The following FOXN3 variants were observed in gnomAD, a reference collection of about 807,000 sequenced individuals.
FOXN3 encodes forkhead box N3, also known as forkhead box protein N3.
FOXN3 carries 7 observed loss-of-function variants against 38.4 expected under a neutral mutation model. That is an observed-to-expected ratio of 0.18 (90% CI 0.10 to 0.34). The LOEUF (loss-of-function observed/expected upper bound fraction) is 0.34. Ranked by LOEUF, FOXN3 falls within the 10% of genes least tolerant of loss-of-function variation. The pLI, the probability that FOXN3 is intolerant of heterozygous loss-of-function variation, is 1.00. For synonymous variants in FOXN3, 230 were observed against 242.2 expected (o/e 0.95, Z 0.47); for missense variants, 456 against 613.4 (o/e 0.74, Z 2.71).
intron 4 of FOXN3, among the ~76,000 whole-genome samples, chr14:89,207,760 T>C (rs1267252194): frequency 1.3e-5 from 2 of 152,224 alleles, no homozygotes; most frequent in African/African-American, 4.8e-5. Context: ...ATGTACCCTT[T>C]GTCAACAAAG....
chr14:89,203,055 C>T (rs1256940387), intron 4 of FOXN3, among the ~76,000 whole-genome samples: 5 of 120,818 alleles, frequency 4.1e-5, no homozygotes, highest in Non-Finnish European at 7.9e-5. Context: ...TCCAGTGGTG[C>T]TCTAAGAACC....
intron 3 of FOXN3, among the ~76,000 whole-genome samples, chr14:89,319,273 G>A (rs918682027): frequency 1.4e-4 from 22 of 152,088 alleles, no homozygotes; most frequent in African/African-American, 4.6e-4. Flanking sequence ...TCATGCTCAT[G>A]GCTATGATTT....
At chr14:89,528,502 T>C (rs1375555589) in intron 1 of FOXN3, among the ~76,000 whole-genome samples, 2 of 147,034 alleles carry the variant, frequency 1.4e-5, no homozygotes, top group African/African-American at 2.5e-5. Context: ...GTTCAAGCAA[T>C]TCTCCTGCCT....
chr14:89,478,009 T>C (rs866167973), intron 1 of FOXN3, among the ~76,000 whole-genome samples: 11 of 152,124 alleles, frequency 7.2e-5, no homozygotes, highest in African/African-American at 2.7e-4. Flanking sequence ...CACCCAAATC[T>C]CATGTTGAAA....
intron 1 of FOXN3, among the ~76,000 whole-genome samples, chr14:89,566,870 T>C (rs1895364409): frequency 6.7e-6 from 1 of 149,034 alleles, no homozygotes; most frequent in African/African-American, 2.5e-5. Flanking sequence ...CTCACCCCCC[T>C]CCTCTTCCTT....
chr14:89,579,387 C>T (rs1041458039), intron 1 of FOXN3, among the ~76,000 whole-genome samples: 11 of 151,974 alleles, frequency 7.2e-5, no homozygotes, highest in African/African-American at 2.7e-4. Context: ...AACTCCTGGC[C>T]TCAAGTGATC....
chr14:89,390,133 G>A (rs943739851), intron 2 of FOXN3, among the ~76,000 whole-genome samples: 6 of 151,302 alleles, frequency 4.0e-5, no homozygotes, highest in Non-Finnish European at 8.8e-5. Flanking sequence ...GGCTGAGGTG[G>A]GAGGATTGCT....
chr14:89,258,276 T>C (rs1885688086), intron 4 of FOXN3, among the ~76,000 whole-genome samples: 1 of 152,150 alleles, frequency 6.6e-6, no homozygotes, highest in Non-Finnish European at 1.5e-5. Context: ...TCATGTTCTA[T>C]ATTATTTCAA....
chr14:89,476,984 C>G (rs999223756), intron 1 of FOXN3, among the ~76,000 whole-genome samples: 3 of 149,292 alleles, frequency 2.0e-5, no homozygotes, highest in African/African-American at 7.4e-5. Flanking sequence ...GCTCTGGGAT[C>G]TGGATTTCAC....
chr14:89,186,155 T>C (rs549169105), intron 4 of FOXN3, among the ~76,000 whole-genome samples: 9 of 152,274 alleles, frequency 5.9e-5, no homozygotes, highest in South Asian at 2.1e-4. Flanking sequence ...AAGTCAGCCT[T>C]TCCACCTGCT....
chr14:89,252,119 A>C (rs1276995296), intron 4 of FOXN3, among the ~76,000 whole-genome samples: 6 of 152,224 alleles, frequency 3.9e-5, no homozygotes. Context: ...CCTACAAAGT[A>C]GTGATTCTTA....
intron 3 of FOXN3, among the ~76,000 whole-genome samples, chr14:89,296,936 C>T (rs954696397): frequency 2.6e-5 from 4 of 152,090 alleles, no homozygotes; most frequent in African/African-American, 7.2e-5. Context: ...CGCATCCAGC[C>T]GAAACTCAAC....
chr14:89,569,307 T>G (rs1272992649), intron 1 of FOXN3, among the ~76,000 whole-genome samples: 1 of 151,634 alleles, frequency 6.6e-6, no homozygotes, highest in Non-Finnish European at 1.5e-5. Flanking sequence ...CATCTAAGAG[T>G]CAGGGAAAGT....
At chr14:89,560,510 A>G (rs1895226966) in intron 1 of FOXN3, among the ~76,000 whole-genome samples, 1 of 152,162 alleles carries the variant, frequency 6.6e-6, no homozygotes, top group Non-Finnish European at 1.5e-5. Context: ...TGGACAGCAA[A>G]CACCTACCCC....
At chr14:89,510,803 G>A (rs549916892) in intron 1 of FOXN3, among the ~76,000 whole-genome samples, 8 of 152,218 alleles carry the variant, frequency 5.3e-5, no homozygotes, top group African/African-American at 1.4e-4. Flanking sequence ...TTAGCCAAGC[G>A]TGGTGGTGTG....
chr14:89,459,850 T>C (rs1190873747), intron 1 of FOXN3, among the ~76,000 whole-genome samples: 2 of 151,786 alleles, frequency 1.3e-5, no homozygotes, highest in African/African-American at 4.8e-5. Flanking sequence ...CTACAATGGG[T>C]GCCCAAGGCC....
At chr14:89,450,931 C>G (rs1892602634) in intron 1 of FOXN3, among the ~76,000 whole-genome samples, 1 of 152,152 alleles carries the variant, frequency 6.6e-6, no homozygotes, top group African/African-American at 2.4e-5. Flanking sequence ...CAAAGGCCCC[C>G]CAGGGTGAAT....
intron 1 of FOXN3, among the ~76,000 whole-genome samples, chr14:89,605,637 A>T (rs1896257233): frequency 6.6e-6 from 1 of 152,182 alleles, no homozygotes; most frequent in South Asian, 2.1e-4. Flanking sequence ...TGTACATGTC[A>T]TATATAAAAA....
At chr14:89,570,688 GTT>G (rs11383658) in intron 1 of FOXN3, among the ~76,000 whole-genome samples, 1 of 145,206 alleles carries the variant, frequency 6.9e-6, no homozygotes, top group Admixed American at 6.8e-5. Flanking sequence ...TGCAATTTTG[GTT>G]TTTTTTTTTT....
Sources: allele counts gnomAD v4.1 joint callset (sites outside exome capture counted in the v4.1 genomes callset), GRCh38; gene constraint gnomAD v4.1.1; transcripts MANE v1.5; gene names NCBI Gene and HGNC (gene_info 2026-07-23, HGNC 2026-07-21).